The following PDGFD variants were observed in gnomAD, a reference collection of about 807,000 sequenced individuals.
The protein encoded by PDGFD is platelet derived growth factor D, also known as platelet-derived growth factor D.
A neutral mutation model predicts 44.7 loss-of-function variants in PDGFD; 30 were observed. That is an observed-to-expected ratio of 0.67 (90% CI 0.50 to 0.91). The LOEUF is 0.91. PDGFD is among the 40% of genes least tolerant of loss of function. The pLI, the probability that PDGFD is intolerant of heterozygous loss-of-function variation, is 0.00. For synonymous variants in PDGFD, 173 were observed against 168.4 expected, an observed-to-expected ratio of 1.03 and a Z score of -0.21; for missense variants, 445 against 457.8, an observed-to-expected ratio of 0.97 and a Z score of 0.25.
At chr11:104,105,180 A>C (rs1861454979) in intron 1 of PDGFD, among the ~76,000 whole-genome samples, 2 of 152,166 alleles carry the variant, frequency 1.3e-5, no homozygotes, top group African/African-American at 4.8e-5. Context: ...GATCACACAG[A>C]GGTAACAGCT....
chr11:103,996,383 G>A (rs1859534917), intron 2 of PDGFD, 138 bp from the exon 3 acceptor site: 1 of 830,334 alleles, frequency 1.2e-6, no homozygotes, highest in South Asian at 1.9e-5. Flanking sequence ...GTACAGAAAT[G>A]TTAAAAGGAA....
intron 6 of PDGFD, among the ~76,000 whole-genome samples, chr11:103,920,415 C>G (rs1162365043): frequency 2.0e-5 from 3 of 152,204 alleles, no homozygotes; most frequent in South Asian, 2.1e-4. Flanking sequence ...TAATGGAAAG[C>G]CTGGGTGGGC....
At chr11:104,090,032 C>T (rs1171851170) in intron 1 of PDGFD, among the ~76,000 whole-genome samples, 1 of 152,038 alleles carries the variant, frequency 6.6e-6, no homozygotes, top group Admixed American at 6.6e-5. Flanking sequence ...AGCTATTGTC[C>T]CTATCAATCA....
chr11:104,163,407 A>G (rs1051286515), intron 1 of PDGFD, among the ~76,000 whole-genome samples: 2 of 152,238 alleles, frequency 1.3e-5, no homozygotes, highest in Non-Finnish European at 2.9e-5. Context: ...CACCCAGGGA[A>G]AGCTACTCTT....
chr11:104,038,410 T>A (rs1462101770), intron 1 of PDGFD: 1 of 189,450 alleles, frequency 5.3e-6, no homozygotes, highest in African/African-American at 2.4e-5. Context: ...CACATAAAAC[T>A]ATTTCACATC....
intron 4 of PDGFD, among the ~76,000 whole-genome samples, chr11:103,947,282 G>A (rs899992751): frequency 2.0e-5 from 3 of 152,152 alleles, no homozygotes; most frequent in Admixed American, 6.5e-5. Context: ...AAAGGTTAAC[G>A]TCTTCCCCAG....
intron 1 of PDGFD, among the ~76,000 whole-genome samples, chr11:104,064,302 A>C (rs1450151803): frequency 6.6e-6 from 1 of 152,228 alleles, no homozygotes; most frequent in African/African-American, 2.4e-5. Flanking sequence ...TGGGCTTACA[A>C]GGAAATCCAG....
chr11:103,977,001 A>G (rs1297994241), intron 3 of PDGFD, among the ~76,000 whole-genome samples: 2 of 152,194 alleles, frequency 1.3e-5, no homozygotes, highest in African/African-American at 4.8e-5. Context: ...AGAAAATGAT[A>G]AATGGGATAT....
chr11:103,954,882 AGGCCGGGCGC>A (rs1171685708), intron 3 of PDGFD, among the ~76,000 whole-genome samples: 2 of 152,128 alleles, frequency 1.3e-5, no homozygotes, highest in Non-Finnish European at 2.9e-5. Flanking sequence ...AACAGTAATG[AGGCCGGGCGC>A]GGTGGCTCAC....
chr11:104,028,177 G>T (rs1221732057), intron 1 of PDGFD, among the ~76,000 whole-genome samples: 1 of 134,324 alleles, frequency 7.4e-6, no homozygotes, highest in Non-Finnish European at 1.6e-5. Context: ...GCAACAGAGC[G>T]AGACTCCGTC....
chr11:104,129,018 C>T (rs1861879294), intron 1 of PDGFD, among the ~76,000 whole-genome samples: 1 of 152,040 alleles, frequency 6.6e-6, no homozygotes, highest in South Asian at 2.1e-4. Context: ...TGACCACCGG[C>T]CTTATAGTAA....
intron 5 of PDGFD, among the ~76,000 whole-genome samples, chr11:103,932,743 A>T (rs559542835): frequency 6.6e-6 from 1 of 152,204 alleles, no homozygotes; most frequent in South Asian, 2.1e-4. Flanking sequence ...ACACTCAATA[A>T]TTACTACCTG....
intron 1 of PDGFD, among the ~76,000 whole-genome samples, chr11:104,052,978 CA>C (rs1350843321): frequency 3.9e-5 from 6 of 152,042 alleles, no homozygotes; most frequent in African/African-American, 1.4e-4. Context: ...GTAGTTTTTT[CA>C]GTAGAATATT....
chr11:103,986,279 T>G (rs1859361494), intron 3 of PDGFD, among the ~76,000 whole-genome samples: 1 of 152,168 alleles, frequency 6.6e-6, no homozygotes, highest in Admixed American at 6.6e-5. Flanking sequence ...TGGCTGAATC[T>G]TACAGCAAAT....
At chr11:103,947,070 T>G (rs1004178301) in intron 4 of PDGFD, among the ~76,000 whole-genome samples, 1 of 152,240 alleles carries the variant, frequency 6.6e-6, no homozygotes, top group Non-Finnish European at 1.5e-5. Context: ...ACAAGGTCTG[T>G]TCTTTCTGTG....
At chr11:104,009,030 C>T (rs1859743574) in intron 1 of PDGFD, among the ~76,000 whole-genome samples, 1 of 151,892 alleles carries the variant, frequency 6.6e-6, no homozygotes, top group Non-Finnish European at 1.5e-5. Flanking sequence ...TTAATGTAGC[C>T]AAGGGCCCTA....
chr11:103,980,857 A>G (rs1025407351), intron 3 of PDGFD, among the ~76,000 whole-genome samples: 3 of 151,994 alleles, frequency 2.0e-5, no homozygotes, highest in Non-Finnish European at 4.4e-5. Context: ...GAGAGCCCTC[A>G]CCAAAACCCT....
At chr11:103,939,000 C>T (rs972799006) in intron 5 of PDGFD, among the ~76,000 whole-genome samples, 6 of 152,250 alleles carry the variant, frequency 3.9e-5, no homozygotes, top group Non-Finnish European at 7.3e-5. Context: ...ATGCCTCCAG[C>T]TTTGTTCTTT....
chr11:103,909,610 T>C lies in PDGFD; in HGVS notation c.*84A>G. On this transcript the variant is annotated 3_prime_UTR_variant, in exon 7 of 7. Coordinates refer to ENST00000393158, the MANE Select transcript of PDGFD (RefSeq NM_025208.5). The stretch of plus-strand genomic sequence containing the variant: ...CATTGCAGGCTAGTAGTAAGTTTGG[T>C]TGCTGGTAGGAAAAGGGTCTCTTAT... 2 of 1,541,484 alleles carry C rather than the reference T, an allele frequency of 1.3e-6. No homozygotes were observed. Among genetic ancestry groups the C allele is most frequent in the East Asian group, 2.3e-5 (1 of 44,392 alleles).
Sources: gnomAD v4.1 joint callset for allele counts (sites outside exome capture counted in the v4.1 genomes callset) on GRCh38, gnomAD v4.1.1 for gene constraint, MANE v1.5 for transcripts, NCBI Gene and HGNC (gene_info 2026-07-23, HGNC 2026-07-21) for gene names.